The following FERMT2 variants were observed in gnomAD, a reference collection of about 807,000 sequenced individuals.
FERMT2 encodes FERM domain containing kindlin 2.
Under a neutral mutation model 82.7 loss-of-function variants are expected in FERMT2, and 15 were observed. The observed-to-expected ratio is 0.18, with a 90% CI of 0.12 to 0.28. The LOEUF (loss-of-function observed/expected upper bound fraction) is 0.28. Among genes scored for constraint, FERMT2 ranks in the 10% least tolerant of loss-of-function variants. FERMT2 has a pLI of 1.00. For synonymous variants in FERMT2, 274 were observed against 271.5 expected (o/e 1.01, Z -0.09); for missense variants, 645 against 809.4 (o/e 0.80, Z 2.46).
At chr14:52,873,815 C>G (rs200136031) in intron 9 of FERMT2, 1 of 171,624 alleles carries the variant, frequency 5.8e-6, no homozygotes, top group African/African-American at 2.4e-5. Context: ...TAGAATCTTG[C>G]GCTCTGAACG....
rs369629296 is a variant in FERMT2, at chr14:52,917,698, A to T, written c.391+1425T>A. On this transcript the variant is annotated intron_variant, in intron 3 of 14. Transcript: ENST00000341590. ...ATCCATAACAGTGCTAGGAGACAGG[A>T]AACTACAGTAAGAGGGTAAATAATG... 3.0e-4 allele frequency among the ~76,000 whole-genome samples: 46 copies of T among 152,326 alleles called. 1 individual carries two copies. The East Asian group carries it at 3.9e-3, about 13-fold the overall frequency.
intron 12 of FERMT2, chr14:52,860,936 G>A: frequency 1.9e-6 from 2 of 1,038,168 alleles, no homozygotes; most frequent in Non-Finnish European, 2.8e-6. Context: ...CACTACTGGG[G>A]TAAATTCCAT....
chr14:52,860,746 C>T (rs1039704386), intron 12 of FERMT2: 7 of 562,774 alleles, frequency 1.2e-5, no homozygotes, highest in South Asian at 4.7e-5. Flanking sequence ...ATACACCTAA[C>T]GGTACTACTA....
At chr14:52,906,258 T>C (rs1010903292) in intron 3 of FERMT2, among the ~76,000 whole-genome samples, 10 of 152,124 alleles carry the variant, frequency 6.6e-5, no homozygotes, top group Non-Finnish European at 1.3e-4. Flanking sequence ...GGAGTCTAGC[T>C]ACCAGAGACT....
intron 3 of FERMT2, among the ~76,000 whole-genome samples, chr14:52,913,988 C>A (rs1195816461): frequency 6.6e-6 from 1 of 151,994 alleles, no homozygotes; most frequent in Non-Finnish European, 1.5e-5. Flanking sequence ...TCTGTCTCTG[C>A]GTGATCTTGG....
chr14:52,875,202 A>T (rs776983583), intron 8 of FERMT2, 21 bp downstream of exon 8: 1 of 1,504,068 alleles, frequency 6.6e-7, no homozygotes, highest in South Asian at 1.3e-5. Flanking sequence ...ATTAGTAGGT[A>T]AAAAAAAAGA....
At chr14:52,908,059 C>T (rs8019279) in intron 3 of FERMT2, among the ~76,000 whole-genome samples, 24,850 of 152,056 alleles carry the variant, frequency 0.16, 2,592 homozygotes, top group African/African-American at 0.29. Context: ...GACACCTCAC[C>T]ATTATATGGG....
chr14:52,858,603 T>C (rs191900200), intron 14 of FERMT2, 53 bp from the exon 15 acceptor site: 2 of 1,560,690 alleles, frequency 1.3e-6, no homozygotes, highest in East Asian at 2.2e-5. Context: ...GGTGGCTGGG[T>C]CCACACAAAA....
intron 3 of FERMT2, among the ~76,000 whole-genome samples, chr14:52,908,743 C>T (rs190358015): frequency 1.9e-4 from 29 of 152,184 alleles, no homozygotes; most frequent in Non-Finnish European, 3.2e-4. Context: ...TTTGCCATTA[C>T]GATTATTTTG....
chr14:52,910,097 TTTA>T (rs1216703682), intron 3 of FERMT2, among the ~76,000 whole-genome samples: 1 of 152,168 alleles, frequency 6.6e-6, no homozygotes, highest in Non-Finnish European at 1.5e-5. Flanking sequence ...AAATCCAATC[TTTA>T]TTGTTACCAC....
In FERMT2 at chr14:52,875,089, T is replaced by C. The variant is rs1230460878; in HGVS notation, c.1098+134A>G. On this transcript the variant is annotated intron_variant, in intron 8 of 14. Coordinates refer to ENST00000341590, the MANE Select transcript of FERMT2 (RefSeq NM_006832.3). The stretch of plus-strand genomic sequence containing the variant: ...CACTTTGCTCAAAGTTCCTGAAAAA[T>C]TAACATCTGATTTCTCTCTCTAAAG... The C allele has an allele frequency of 6.3e-6, 5 of 787,958 alleles. No individual in the cohort carries two copies. The East Asian group carries it at 1.4e-4, about 22-fold the overall frequency. 48.8% of individuals were successfully genotyped at this position (787,958 alleles called of 1,614,324 possible).
At chr14:52,896,457 A>G (rs532328031) in intron 3 of FERMT2, among the ~76,000 whole-genome samples, 15 of 152,246 alleles carry the variant, frequency 9.9e-5, no homozygotes, top group Admixed American at 2.6e-4. Context: ...ATGCTGCTAC[A>G]GAGTTGATGA....
chr14:52,874,622 T>G (rs1033016988), intron 8 of FERMT2, among the ~76,000 whole-genome samples: 2 of 152,198 alleles, frequency 1.3e-5, no homozygotes, highest in Non-Finnish European at 2.9e-5. Flanking sequence ...CGAGATCTAT[T>G]TTCTTCTTTT....
At chr14:52,897,942 C>T (rs377226003) in intron 3 of FERMT2, among the ~76,000 whole-genome samples, 2 of 143,224 alleles carry the variant, frequency 1.4e-5, no homozygotes, top group South Asian at 2.2e-4. Flanking sequence ...TGCCATTGCA[C>T]TCCAGCCTGG....
rs1472610828 is a variant in FERMT2, at chr14:52,878,589, G to A, written c.956C>T (p.Ala319Val). ...ACTAGACCTTTCAACTACCTGCAGG[G>A]CTGCAAACATCATCATTTCTTCTTC... ...CTEEEMMMFA[A>V]LQYHINKLSI... Residue 319 changes from alanine to valine, a missense_variant, in exon 7 of 15, where the codon GCC (alanine) becomes GTC (valine). Physicochemically the swap from Ala to Val is moderately conservative, Grantham distance 64 (BLOSUM62 0). Coordinates refer to ENST00000341590, the MANE Select transcript of FERMT2 (RefSeq NM_006832.3). 1.9e-6 allele frequency: 3 copies of A among 1,604,322 alleles called. No individual in the cohort carries two copies. Among genetic ancestry groups the A allele is most frequent in the South Asian group, 1.1e-5 (1 of 90,058 alleles).
At chr14:52,935,730 G>A (rs1049274760) in intron 2 of FERMT2, among the ~76,000 whole-genome samples, 5 of 152,126 alleles carry the variant, frequency 3.3e-5, no homozygotes, top group East Asian at 1.9e-4. Flanking sequence ...AACCTCTAAC[G>A]AAAAGTGACA....
intron 2 of FERMT2, among the ~76,000 whole-genome samples, chr14:52,932,160 A>G (rs776712297): frequency 3.3e-5 from 5 of 152,256 alleles, no homozygotes; most frequent in Non-Finnish European, 7.3e-5. Context: ...TAAAGTTAGC[A>G]TATGTAGGAA....
At chr14:52,892,625 T>C (rs1887011490) in intron 4 of FERMT2, among the ~76,000 whole-genome samples, 1 of 151,700 alleles carries the variant, frequency 6.6e-6, no homozygotes, top group African/African-American at 2.4e-5. Flanking sequence ...CAGCTAATTT[T>C]TTTTGGTATT....
chr14:52,928,278 C>T (rs1166408506), intron 2 of FERMT2: 4 of 199,098 alleles, frequency 2.0e-5, no homozygotes, highest in South Asian at 8.9e-5. Context: ...TTTCTGGGCA[C>T]GTGACTTATT....
Sources: allele counts gnomAD v4.1 joint callset (sites outside exome capture counted in the v4.1 genomes callset), GRCh38; gene constraint gnomAD v4.1.1; transcripts MANE v1.5; gene names NCBI Gene and HGNC (gene_info 2026-07-23, HGNC 2026-07-21).